MTMR9: variants seen among roughly 807,000 people sequenced by gnomAD.
The protein encoded by MTMR9 is myotubularin related protein 9.
Under a neutral mutation model 69.5 loss-of-function variants are expected in MTMR9, and 39 were observed. The ratio of observed to expected loss-of-function variants is 0.56; its 90% CI spans 0.43 to 0.73. The LOEUF is 0.73. Ranked by LOEUF, MTMR9 falls within the 30% of genes least tolerant of loss-of-function variation. The probability of loss-of-function intolerance (pLI) is 0.00; values close to 1 mark genes in which losing one functional copy is unlikely to be tolerated. For synonymous variants in MTMR9, 354 were observed against 240.8 expected, an observed-to-expected ratio of 1.47 and a Z score of -4.35; for missense variants, 900 against 671.2, an observed-to-expected ratio of 1.34 and a Z score of -3.77.
At position 11,309,513 on chromosome 8, in the gene MTMR9, C is replaced by G. The variant is rs1417226200; in HGVS notation, c.810-14C>G. On this transcript the variant is annotated splice_polypyrimidine_tract_variant and intron_variant, in intron 5 of 9. Coordinates refer to ENST00000221086, the MANE Select transcript of MTMR9 (RefSeq NM_015458.4). ...TTCTGGGTTTGTTATTTTTTACTTTCTTACTTTTAAAAGGTATCACATTCT... is the reference window on the plus strand; with the variant it reads ...TTCTGGGTTTGTTATTTTTTACTTTGTTACTTTTAAAAGGTATCACATTCT... 1.3e-6 allele frequency: 2 copies of G among 1,576,366 alleles called. No individual in the cohort carries two copies. Among genetic ancestry groups the G allele is most frequent in the Admixed American group, 1.9e-5 (1 of 53,546 alleles).
chr8:11,309,745 G>T (rs930687309), intron 6 of MTMR9, 57 bp downstream of exon 6: 2 of 1,574,872 alleles, frequency 1.3e-6, no homozygotes, highest in Admixed American at 3.5e-5. Context: ...TAGACTTTGT[G>T]TTTATCCAGA....
At chr8:11,304,106 C>T (rs1799849229) in intron 3 of MTMR9, among the ~76,000 whole-genome samples, 1 of 150,510 alleles carries the variant, frequency 6.6e-6, no homozygotes, top group African/African-American at 2.4e-5. Context: ...GTTTTTAATT[C>T]TGATGTTTAA....
chr8:11,319,186 G>C (rs1800555996), intron 8 of MTMR9: 1 of 151,878 alleles, frequency 6.6e-6, no homozygotes, highest in East Asian at 1.9e-4. Flanking sequence ...ATTCATATTT[G>C]TAAGCTATCC....
Position 11,316,830 on chromosome 8 carries a change from T to C in MTMR9, c.1271T>C (p.Met424Thr). Reference sequence around the variant, plus strand: ...GAGTTTAATGAGAATTTCCTCATCATGCTCTTTGAGCATGCTTATGCCTCA... The same window carrying C: ...GAGTTTAATGAGAATTTCCTCATCACGCTCTTTGAGCATGCTTATGCCTCA... Reference protein sequence around the residue: ...SFEFNENFLIMLFEHAYASQF... With the variant: ...SFEFNENFLITLFEHAYASQF... Residue 424 changes from methionine (M) to threonine (T), a missense_variant, in exon 8 of 10, where the codon ATG (methionine) becomes ACG (threonine). By Grantham distance (81) the Met-to-Thr change is moderately conservative (BLOSUM62 -1). Transcript: ENST00000221086. 6.2e-7 allele frequency: 1 copy of C among 1,613,898 alleles called. No homozygotes were observed. The highest frequency in any genetic ancestry group is 1.1e-5 in the South Asian group (1 of 91,040).
At chr8:11,334,155 C>T in the MTMR9 span, among the ~76,000 whole-genome samples, 2 of 152,162 alleles carry the variant, frequency 1.3e-5, no homozygotes, top group African/African-American at 4.8e-5. Flanking sequence ...GCCAGATAAA[C>T]TTGTATATAA....
chr8:11,299,790 C>A (rs1227322801), intron 2 of MTMR9, among the ~76,000 whole-genome samples: 1 of 150,890 alleles, frequency 6.6e-6, no homozygotes, highest in East Asian at 2.0e-4. Flanking sequence ...TTTTTCATCC[C>A]GTCAACACTT....
intron 2 of MTMR9, chr8:11,298,033 C>T (rs1799619762): frequency 4.6e-6 from 2 of 430,796 alleles, no homozygotes; most frequent in African/African-American, 2.0e-5. Context: ...ATATATTCTG[C>T]TGCCTCACGT....
chr8:11,331,031 A>G (rs13253735), downstream of MTMR9: 694,312 of 1,508,112 alleles, frequency 0.46, 160,745 homozygotes, highest in East Asian at 0.69. Flanking sequence ...CCGCACTCCA[A>G]TGAGGTCACA....
At chr8:11,318,789 C>T (rs1585133818) in intron 8 of MTMR9, 2 of 152,104 alleles carry the variant, frequency 1.3e-5, no homozygotes, top group East Asian at 3.8e-4. Context: ...TCATCTTTGA[C>T]AATCTGTATT....
At position 11,324,279 on chromosome 8, in the gene MTMR9, C is replaced by G. The variant is rs535469492; in HGVS notation, c.*1491C>G. 1 of 152,170 alleles carries G rather than the reference C, an allele frequency of 6.6e-6. No homozygotes were observed. Among genetic ancestry groups the G allele is most frequent in the Non-Finnish European group, 1.5e-5 (1 of 68,012 alleles). The allele number at this position is 152,170 out of a possible 1,614,324, so 9.4% of individuals were successfully genotyped here. A position where few individuals can be genotyped will look rare whatever the true frequency, so the allele number is the denominator to read the frequency against. The stretch of plus-strand genomic sequence containing the variant: ...CAAATACTTTTCATCACCAATTGCC[C>G]AATTCATCTTTCTTCTGCTTCCTCA... On this transcript the variant is annotated 3_prime_UTR_variant, in exon 10 of 10. Transcript: ENST00000221086.
intron 1 of MTMR9, among the ~76,000 whole-genome samples, chr8:11,285,901 A>T (rs953566245): frequency 6.7e-6 from 1 of 150,110 alleles, no homozygotes; most frequent in Non-Finnish European, 1.5e-5. Context: ...TATTAGGAAG[A>T]TTCGTACAGA....
At chr8:11,286,617 G>T (rs1435467225) in intron 1 of MTMR9, among the ~76,000 whole-genome samples, 1 of 139,802 alleles carries the variant, frequency 7.2e-6, no homozygotes, top group African/African-American at 2.7e-5. Flanking sequence ...AGTGAGCCGA[G>T]ATCGGGCCAC....
In MTMR9 at chr8:11,316,437, T is replaced by G. The variant is rs1251443225; in HGVS notation, c.1114-236T>G. On this transcript the variant is annotated intron_variant, in intron 7 of 9. Transcript: ENST00000221086. Reference sequence around the variant, plus strand: ...TATTCCAAGGGCAGTGCAGTTCCTGTGGTCACACCTTAGCCGCGCAGCCTC... The same window carrying G: ...TATTCCAAGGGCAGTGCAGTTCCTGGGGTCACACCTTAGCCGCGCAGCCTC... 1.4e-5 allele frequency: 5 copies of G among 357,108 alleles called. No homozygotes were observed. The East Asian group carries it at 2.2e-4, about 16-fold the overall frequency. 22.1% of individuals were successfully genotyped at this position (357,108 alleles called of 1,614,324 possible). A position where few individuals can be genotyped will look rare whatever the true frequency, so the allele number is the denominator to read the frequency against.
rs1013442507 is a variant in MTMR9 at position 11,327,849 on chromosome 8, A to C, written c.*5061A>C. 1 of 152,612 alleles carries C rather than the reference A, an allele frequency of 6.6e-6. No individual in the cohort carries two copies. Among genetic ancestry groups the C allele is most frequent in the Non-Finnish European group, 1.5e-5 (1 of 68,028 alleles). 9.5% of individuals were successfully genotyped at this position (152,612 alleles called of 1,614,324 possible). On this transcript the variant is annotated 3_prime_UTR_variant, in exon 10 of 10. Transcript: ENST00000221086. ...ACATATACATACAGTCTTAGGGAAAAAAAAAAGCAGAACTTTTGTAAGTCT... is the reference window on the plus strand; with the variant it reads ...ACATATACATACAGTCTTAGGGAAACAAAAAAGCAGAACTTTTGTAAGTCT...
intron 1 of MTMR9, among the ~76,000 whole-genome samples, chr8:11,289,255 C>T (rs945317316): frequency 8.5e-5 from 13 of 152,192 alleles, no homozygotes; most frequent in African/African-American, 2.9e-4. Context: ...AGTGGAGCTG[C>T]CTTGCCTTGC....
downstream of MTMR9, among the ~76,000 whole-genome samples, chr8:11,328,723 T>C (rs776664915): frequency 6.6e-6 from 1 of 152,196 alleles, no homozygotes; most frequent in African/African-American, 2.4e-5. Flanking sequence ...TTCCACAAAA[T>C]AGTTACTAGT....
Position 11,295,298 on chromosome 8 carries a change from T to A in MTMR9, c.287T>A (p.Ile96Asn), listed in dbSNP as rs748989990. 6.4e-7 allele frequency: 1 copy of A among 1,560,660 alleles called. No homozygotes were observed. Among genetic ancestry groups the A allele is most frequent in the Admixed American group, 1.7e-5 (1 of 58,680 alleles). Residue 96 changes from isoleucine (I) to asparagine (N), a missense_variant, in exon 2 of 10, where the codon ATT (isoleucine) becomes AAT (asparagine). Ile to Asn is a moderately radical substitution (Grantham distance 149). Coordinates refer to ENST00000221086, the MANE Select transcript of MTMR9 (RefSeq NM_015458.4). ...GAATGCTTGAATATAGCCAGTTCCA[T>A]TGAGGTAAGTATTTTGGAAGCAAAA... ...MEECLNIASSIEALSTLDSIT... is the reference protein window; with the variant it reads ...MEECLNIASSNEALSTLDSIT...
Position 11,285,047 on chromosome 8 carries a change from A to C in MTMR9, c.159A>C (p.Ser53=), listed in dbSNP as rs778933481. 1 of 1,607,734 alleles carries C rather than the reference A, an allele frequency of 6.2e-7. No individual in the cohort carries two copies. The highest frequency in any genetic ancestry group is 8.5e-7 in the Non-Finnish European group (1 of 1,176,638). ...CGGAGGAGCTGTGGCTCCTCCATTC[A>C]AACATCGACGCCATCGACAAGCGGT... ...DNTEELWLLH[S]NIDAIDKRFV... is the part of the protein sequence containing the mutation. The change falls in exon 1 of 10, where the codon TCA becomes TCC. Residue 53 remains serine, a synonymous_variant. Coordinates refer to ENST00000221086, the MANE Select transcript of MTMR9 (RefSeq NM_015458.4).
chr8:11,334,892 T>G, the MTMR9 span, among the ~76,000 whole-genome samples: 445 of 152,268 alleles, frequency 2.9e-3, 2 homozygotes, highest in African/African-American at 0.01. Context: ...AATCCAAAAC[T>G]TTATGCTAAA....
Sources: gnomAD v4.1 joint callset for allele counts (sites outside exome capture counted in the v4.1 genomes callset) on GRCh38, gnomAD v4.1.1 for gene constraint, MANE v1.5 for transcripts, NCBI Gene and HGNC (gene_info 2026-07-23, HGNC 2026-07-21) for gene names.